INSR: variants seen among roughly 807,000 people sequenced by gnomAD.
INSR encodes the protein insulin receptor.
In INSR, 67 loss-of-function variants were observed where a neutral mutation model predicts 142.6. That is an observed-to-expected ratio of 0.47 (90% CI 0.39 to 0.58). The LOEUF is 0.58. INSR is among the 20% of genes least tolerant of loss of function. INSR has a pLI of 0.00. For missense variants in INSR, 1,248 were observed against 1,833.2 expected (o/e 0.68, Z 5.83); for synonymous variants, 756 against 743.1 (o/e 1.02, Z -0.28).
intron 2 of INSR, among the ~76,000 whole-genome samples, chr19:7,237,733 G>A (rs193142217): frequency 7.2e-4 from 110 of 151,880 alleles, no homozygotes; most frequent in African/African-American, 2.6e-3. Context: ...GGAGAATGGC[G>A]TAAACCCGGG....
intron 1 of INSR, among the ~76,000 whole-genome samples, chr19:7,282,091 A>G (rs1968217339): frequency 6.6e-6 from 1 of 152,280 alleles, no homozygotes. Context: ...CCGGCGGGGC[A>G]CGGTGGCTCA....
intron 2 of INSR, among the ~76,000 whole-genome samples, chr19:7,213,882 G>A (rs558850307): frequency 2.0e-5 from 3 of 151,980 alleles, no homozygotes; most frequent in African/African-American, 4.8e-5. Flanking sequence ...TCAGCTACGC[G>A]GGAGGGCTGA....
At chr19:7,233,753 G>A (rs1345068194) in intron 2 of INSR, among the ~76,000 whole-genome samples, 1 of 130,412 alleles carries the variant, frequency 7.7e-6, no homozygotes. Context: ...TCCGCTCACT[G>A]CAAGCTCCGC....
intron 1 of INSR, among the ~76,000 whole-genome samples, chr19:7,269,210 TAAAAA>T (rs11395249): frequency 7.6e-6 from 1 of 130,976 alleles, no homozygotes; most frequent in African/African-American, 2.8e-5. Context: ...GTAAATCCTC[TAAAAA>T]AAAAAAAAAT....
At position 7,279,954 on chromosome 19, in the gene INSR, C is replaced by T. The variant is rs1371876623; in HGVS notation, c.101-12058G>A. On this transcript the variant is annotated intron_variant, in intron 1 of 21. Coordinates refer to ENST00000302850, the MANE Select transcript of INSR (RefSeq NM_000208.4). ...CTACACTCCAGCCTAGGCGACAGTGCGAGGAGACCCTGTCTCAAAAACAAA... is the reference window on the plus strand; with the variant it reads ...CTACACTCCAGCCTAGGCGACAGTGTGAGGAGACCCTGTCTCAAAAACAAA... Among the ~76,000 whole-genome samples the T allele has an allele frequency of 2.6e-5, 4 of 151,692 alleles. No homozygotes were observed. The South Asian group carries it at 8.3e-4, about 32-fold the overall frequency.
chr19:7,230,460 C>G (rs1975935092), intron 2 of INSR, among the ~76,000 whole-genome samples: 1 of 152,146 alleles, frequency 6.6e-6, no homozygotes, highest in Non-Finnish European at 1.5e-5. Flanking sequence ...GAGGCGATGA[C>G]AGGATAAACC....
At chr19:7,264,923 G>C (rs1967674509) in intron 2 of INSR, among the ~76,000 whole-genome samples, 1 of 152,068 alleles carries the variant, frequency 6.6e-6, no homozygotes, top group African/African-American at 2.4e-5. Flanking sequence ...GGGCTCCAAG[G>C]GAGTCCTCAC....
intron 2 of INSR, among the ~76,000 whole-genome samples, chr19:7,255,613 T>C (rs1360336366): frequency 6.6e-6 from 1 of 151,486 alleles, no homozygotes; most frequent in Admixed American, 6.6e-5. Context: ...GGTCTCACTC[T>C]GTTACCCAGG....
chr19:7,191,992 GGAGA>G (rs983677226), intron 2 of INSR, among the ~76,000 whole-genome samples: 3 of 145,146 alleles, frequency 2.1e-5, no homozygotes, highest in Admixed American at 7.1e-5. Flanking sequence ...GGGAGGGAGG[GGAGA>G]GAGAGAGAAA....
Position 7,117,344 on chromosome 19 carries a change from G to T in INSR, c.3861C>A (p.Val1287=). The T allele has an allele frequency of 6.2e-7, 1 of 1,614,140 alleles. No individual in the cohort carries two copies. The highest frequency in any genetic ancestry group is 8.5e-7 in the Non-Finnish European group (1 of 1,180,018). ...GGTGCAGGTCGTCCTTGAGCAGGTTGACAATCTCCAGGAAGGTTGGCCTCA... is the reference window on the plus strand; with the variant it reads ...GGTGCAGGTCGTCCTTGAGCAGGTTTACAATCTCCAGGAAGGTTGGCCTCA... ...PKMRPTFLEI[V]NLLKDDLHPS... Residue 1287 remains valine (V), a synonymous_variant, in exon 22 of 22, where the codon GTC becomes GTA. Coordinates refer to ENST00000302850, the MANE Select transcript of INSR (RefSeq NM_000208.4).
At chr19:7,177,869 G>T (rs1055380291) in intron 3 of INSR, among the ~76,000 whole-genome samples, 9 of 151,946 alleles carry the variant, frequency 5.9e-5, no homozygotes, top group African/African-American at 2.2e-4. Flanking sequence ...TTGAGTTGGG[G>T]TTCTGGTGCA....
chr19:7,266,481 G>C (rs1485717783), intron 2 of INSR, among the ~76,000 whole-genome samples: 1 of 151,686 alleles, frequency 6.6e-6, no homozygotes, highest in Non-Finnish European at 1.5e-5. Flanking sequence ...CGCCTCCCGG[G>C]TTCAAGTGAT....
At chr19:7,137,819 A>AAAG (rs1972971897) in intron 13 of INSR, among the ~76,000 whole-genome samples, 1 of 149,818 alleles carries the variant, frequency 6.7e-6, no homozygotes, top group African/African-American at 2.4e-5. Flanking sequence ...AAAAAAAAAA[A>AAAG]AAAAAGATGC....
intron 6 of INSR, among the ~76,000 whole-genome samples, 180 bp downstream of exon 6, chr19:7,170,357 T>C (rs1265399058): frequency 6.6e-6 from 1 of 151,844 alleles, no homozygotes; most frequent in African/African-American, 2.4e-5. Context: ...TACATGATGG[T>C]GAGTTGTACA....
intron 2 of INSR, among the ~76,000 whole-genome samples, chr19:7,223,525 G>A (rs1331438207): frequency 1.3e-5 from 2 of 152,188 alleles, no homozygotes; most frequent in Non-Finnish European, 2.9e-5. Context: ...GCCCTGTGAT[G>A]AGTTGGTCAC....
chr19:7,221,403 AGG>A (rs1568495374), intron 2 of INSR, among the ~76,000 whole-genome samples: 18 of 141,200 alleles, frequency 1.3e-4, no homozygotes, highest in Non-Finnish European at 1.7e-4. Flanking sequence ...GAGGAGGAGG[AGG>A]AAAGAAGAAG....
chr19:7,172,555 T>A, intron 4 of INSR, 121 bp from the exon 5 acceptor site: 1 of 1,053,280 alleles, frequency 9.5e-7, no homozygotes. Flanking sequence ...AGCTCAAAAC[T>A]CATCATGCTT....
At position 7,290,734 on chromosome 19, in the gene INSR, C is replaced by G. The variant is rs139615114; in HGVS notation, c.100+3058G>C. ...GTCGCAAAGATCGTGTCACTGCACT[C>G]CAGCCCGGGTGACAGAGTGACACCC... On this transcript the variant is annotated intron_variant, in intron 1 of 21. Transcript: ENST00000302850. 3.4e-3 allele frequency among the ~76,000 whole-genome samples: 513 copies of G among 150,520 alleles called. 3 individuals are homozygous for G. The highest frequency in any genetic ancestry group is 6.0e-3 in the Non-Finnish European group (409 of 67,698).
chr19:7,178,957 C>T (rs953378772), intron 3 of INSR, among the ~76,000 whole-genome samples: 4 of 152,206 alleles, frequency 2.6e-5, no homozygotes, highest in African/African-American at 7.2e-5. Context: ...GCCACCCGGG[C>T]TGGGGTGCAC....
Sources: gnomAD v4.1 joint callset for allele counts (sites outside exome capture counted in the v4.1 genomes callset) on GRCh38, gnomAD v4.1.1 for gene constraint, MANE v1.5 for transcripts, NCBI Gene and HGNC (gene_info 2026-07-23, HGNC 2026-07-21) for gene names.